MPDZ: variants seen among roughly 807,000 people sequenced by gnomAD.
MPDZ encodes the protein multiple PDZ domain crumbs cell polarity complex component.
Under a neutral mutation model 239.1 loss-of-function variants are expected in MPDZ, and 234 were observed. The observed-to-expected ratio is 0.98, with a 90% CI of 0.88 to 1.09. MPDZ has a LOEUF of 1.09. MPDZ is among the 50% of genes least tolerant of loss of function. The probability of loss-of-function intolerance (pLI) is 0.00; values close to 1 mark genes in which losing one functional copy is unlikely to be tolerated. For synonymous variants in MPDZ, 1,048 were observed against 881.3 expected (o/e 1.19, Z -3.35); for missense variants, 3,175 against 2,510.0 (o/e 1.26, Z -5.66).
chr9:13,247,294 G>C (rs994826254), intron 3 of MPDZ, among the ~76,000 whole-genome samples: 3 of 152,162 alleles, frequency 2.0e-5, no homozygotes, highest in African/African-American at 7.2e-5. Context: ...GAATGAGCAA[G>C]ATCACATGAA....
chr9:13,108,053 T>TA (rs1039294926), intron 46 of MPDZ, among the ~76,000 whole-genome samples: 2 of 151,722 alleles, frequency 1.3e-5, no homozygotes, highest in East Asian at 1.9e-4. Context: ...TTAAATTGGC[T>TA]AAAAAAAAGA....
chr9:13,190,293 C>A lies in MPDZ; in HGVS notation c.1975G>T (p.Val659Leu). The A allele has an allele frequency of 6.4e-7, 1 of 1,571,434 alleles. No individual in the cohort carries two copies. Among genetic ancestry groups the A allele is most frequent in the Middle Eastern group, 1.7e-4 (1 of 5,858 alleles). ...GACCCGATGAACTCACCTAGATCTA[C>A]GTGAGGCTGGATAATATCAGACAGC... ...CDIELTEKPH[V>L]DLGEFIGSSE... The change falls in exon 16 of 47, where the codon GTA becomes TTA. Residue 659 changes from valine (V) to leucine (L), a missense_variant. By Grantham distance (32) the Val-to-Leu change is conservative (BLOSUM62 1). Transcript: ENST00000319217.
chr9:13,113,745 C>G (rs775018623), intron 41 of MPDZ, among the ~76,000 whole-genome samples, 186 bp downstream of exon 41: 1 of 152,112 alleles, frequency 6.6e-6, no homozygotes, highest in Non-Finnish European at 1.5e-5. Flanking sequence ...GGGTAAACAT[C>G]AAATGGGAAA....
At position 13,178,055 on chromosome 9, in the gene MPDZ, C is replaced by T. The variant is rs571283477; in HGVS notation, c.2650-1638G>A. 1.4e-4 allele frequency among the ~76,000 whole-genome samples: 21 copies of T among 152,024 alleles called. No individual in the cohort carries two copies. The South Asian group carries it at 3.5e-3, about 26-fold the overall frequency. ...TCCTGACCTCGTGATTCGCCTGCCT[C>T]GGCCTCTCAAAGTGTTGGGATTACA... On this transcript the variant is annotated intron_variant, in intron 19 of 46. Coordinates refer to ENST00000319217, the MANE Select transcript of MPDZ (RefSeq NM_001378778.1).
intron 7 of MPDZ, 66 bp from the exon 8 acceptor site, chr9:13,219,834 G>T: frequency 3.4e-6 from 5 of 1,469,994 alleles, no homozygotes; most frequent in South Asian, 2.4e-5. Flanking sequence ...AATCCTAAAT[G>T]AGAAGGGATT....
In MPDZ at chr9:13,205,064, G is replaced by A; in HGVS notation, c.1518C>T (p.Asn506=). 6.8e-7 allele frequency: 1 copy of A among 1,462,612 alleles called. No homozygotes were observed. The highest frequency in any genetic ancestry group is 9.0e-7 in the Non-Finnish European group (1 of 1,109,950). 90.6% of individuals were successfully genotyped at this position (1,462,612 alleles called of 1,614,324 possible). A position where few individuals can be genotyped will look rare whatever the true frequency, so the allele number is the denominator to read the frequency against. ...CTTCTTCAGTTGGTAATATGTTGGT[G>A]TTTCTCGTCGAAGATAAAAAATCTT... ...KDEDFLSSTR[N]TNILPTEEEG... is the part of the protein sequence containing the mutation. The change falls in exon 12 of 47, where the codon AAC becomes AAT. Residue 506 remains asparagine (N), a synonymous_variant. Transcript: ENST00000319217.
rs1306440377 is a variant in MPDZ at position 13,250,295 on chromosome 9, CT to C, written c.16+4del. 6.3e-7 allele frequency: 1 copy of C among 1,594,320 alleles called. No homozygotes were observed. On this transcript the variant is annotated splice_donor_region_variant and intron_variant, in intron 2 of 46. Transcript: ENST00000319217. ...TAAAAGTAGGCAGAAAAGAATAAGT[CT>C]TACCAATGGCTTCCAACATTTTTTT... is the stretch of plus-strand genomic sequence containing the variant.
rs1418041631 is a variant in MPDZ at position 13,110,076 on chromosome 9, A to C, written c.5830-12T>G. 6.2e-7 allele frequency: 1 copy of C among 1,601,980 alleles called. No individual in the cohort carries two copies. The highest frequency in any genetic ancestry group is 8.5e-7 in the Non-Finnish European group (1 of 1,172,962). ...CCTCCAGCAACCACCTGCGCACAGG[A>C]GGAGGATAAACAGAAAAAACACATG... On this transcript the variant is annotated splice_polypyrimidine_tract_variant and intron_variant, in intron 44 of 46. Transcript: ENST00000319217.
At chr9:13,253,237 A>AT (rs1968577243) in intron 1 of MPDZ, among the ~76,000 whole-genome samples, 1 of 150,632 alleles carries the variant, frequency 6.6e-6, no homozygotes, top group South Asian at 2.1e-4. Flanking sequence ...AAAAAAAAAA[A>AT]AGCCCCCAGA....
At chr9:13,144,538 C>G (rs1948180918) in intron 26 of MPDZ, among the ~76,000 whole-genome samples, 1 of 151,890 alleles carries the variant, frequency 6.6e-6, no homozygotes, top group African/African-American at 2.4e-5. Context: ...CATTTTGGCT[C>G]CAATTAAATG....
intron 12 of MPDZ, among the ~76,000 whole-genome samples, chr9:13,197,522 T>A (rs1313454638): frequency 6.6e-6 from 1 of 152,158 alleles, no homozygotes; most frequent in Non-Finnish European, 1.5e-5. Context: ...TATGTGATAT[T>A]TTGATACATG....
At chr9:13,211,993 A>C (rs1225325679) in intron 10 of MPDZ, among the ~76,000 whole-genome samples, 1 of 152,120 alleles carries the variant, frequency 6.6e-6, no homozygotes, top group Non-Finnish European at 1.5e-5. Context: ...ATAAAGGAAA[A>C]AAATGGCAAA....
chr9:13,218,280 A>G (rs1229321732), intron 8 of MPDZ, among the ~76,000 whole-genome samples: 2 of 151,928 alleles, frequency 1.3e-5, no homozygotes, highest in Non-Finnish European at 2.9e-5. Flanking sequence ...ATCTGCTTCA[A>G]TTGAAACAAA....
intron 17 of MPDZ, among the ~76,000 whole-genome samples, chr9:13,187,122 C>G (rs1321177764): frequency 6.6e-6 from 1 of 152,026 alleles, no homozygotes; most frequent in Non-Finnish European, 1.5e-5. Flanking sequence ...GCAAAACATA[C>G]AGAAGAAGAA....
intron 1 of MPDZ, among the ~76,000 whole-genome samples, chr9:13,265,375 G>C (rs1474151167): frequency 6.6e-6 from 1 of 152,152 alleles, no homozygotes; most frequent in East Asian, 1.9e-4. Context: ...TTCAAGAAAA[G>C]CCTGACCAAT....
At chr9:13,129,389 G>A (rs939439730) in intron 32 of MPDZ, among the ~76,000 whole-genome samples, 1 of 152,070 alleles carries the variant, frequency 6.6e-6, no homozygotes, top group African/African-American at 2.4e-5. Context: ...CTTGAACCCG[G>A]GAGGTGGAGG....
At position 13,137,996 on chromosome 9, in the gene MPDZ, T is replaced by C. The variant is rs1293648621; in HGVS notation, c.4161A>G (p.Gly1387=). 3.1e-6 allele frequency: 5 copies of C among 1,613,874 alleles called. No homozygotes were observed. Among genetic ancestry groups the C allele is most frequent in the Admixed American group, 3.3e-5 (2 of 60,022 alleles). The change falls in exon 29 of 47, where the codon GGA becomes GGG. Residue 1387 remains glycine (G), a synonymous_variant. Coordinates refer to ENST00000319217, the MANE Select transcript of MPDZ (RefSeq NM_001378778.1). ...CTGCAATTTGCAATCGACCATCTTTTCCTGCAGCTCCATTTGGATCAATCC... is the reference window on the plus strand; with the variant it reads ...CTGCAATTTGCAATCGACCATCTTTCCCTGCAGCTCCATTTGGATCAATCC... ...IVGIDPNGAA[G]KDGRLQIADE... is the part of the protein sequence containing the mutation.
intron 38 of MPDZ, 140 bp from the exon 39 acceptor site, chr9:13,119,789 G>T (rs928489769): frequency 1.2e-6 from 1 of 828,150 alleles, no homozygotes; most frequent in Non-Finnish European, 2.0e-6. Context: ...GCAACACTGG[G>T]GCAACATTAG....
At chr9:13,264,973 G>A (rs1790096117) in intron 1 of MPDZ, among the ~76,000 whole-genome samples, 1 of 152,192 alleles carries the variant, frequency 6.6e-6, no homozygotes, top group Non-Finnish European at 1.5e-5. Context: ...GACACAAGAT[G>A]CCAGGCATAT....
Sources: gnomAD v4.1 joint callset for allele counts (sites outside exome capture counted in the v4.1 genomes callset) on GRCh38, gnomAD v4.1.1 for gene constraint, MANE v1.5 for transcripts, NCBI Gene and HGNC (gene_info 2026-07-23, HGNC 2026-07-21) for gene names.